The following ZDHHC15 variants were observed in gnomAD, a reference collection of about 807,000 sequenced individuals.
ZDHHC15 encodes palmitoyltransferase ZDHHC15.
ZDHHC15 carries 19 observed loss-of-function variants against 31.7 expected under a neutral mutation model. The observed-to-expected ratio is 0.60, with a 90% confidence interval of 0.42 to 0.88. The LOEUF (loss-of-function observed/expected upper bound fraction) is 0.88, where lower values mean the gene tolerates loss of function less well. Ranked by LOEUF, ZDHHC15 falls within the 40% of genes least tolerant of loss-of-function variation. The pLI is 0.00. For missense variants in ZDHHC15, 209 were observed against 251.2 expected, an observed-to-expected ratio of 0.83 and a Z score of 1.14; for synonymous variants, 103 against 90.0, an observed-to-expected ratio of 1.14 and a Z score of -0.82.
At chrX:75,504,162 A>C (rs1485783752) in intron 2 of ZDHHC15, among the ~76,000 whole-genome samples, 1 of 111,385 alleles carries the variant, frequency 9.0e-6, no homozygotes, top group Non-Finnish European at 1.9e-5. Context: ...TTAGGGAGAC[A>C]CTCTACAACC....
intron 3 of ZDHHC15, among the ~76,000 whole-genome samples, chrX:75,475,054 G>A (rs371974055): frequency 6.0e-4 from 67 of 110,979 alleles, no homozygotes; most frequent in East Asian, 2.5e-3. Context: ...GCGAGACTCC[G>A]TCTCAAAAAA....
At chrX:75,411,405 G>T (rs898774574) in intron 10 of ZDHHC15, among the ~76,000 whole-genome samples, 1 of 111,544 alleles carries the variant, frequency 9.0e-6, no homozygotes, top group Admixed American at 9.5e-5. Context: ...GTAGAGATGG[G>T]GTTTCACCCT....
In ZDHHC15 at chrX:75,518,359, C is replaced by A. The variant is rs552044276; in HGVS notation, c.136+4530G>T. On this transcript the variant is annotated intron_variant, in intron 1 of 11. Transcript: ENST00000373367. ...TTTCCCAAAGAAGATATATGGATGG[C>A]AAACAAGTACATAAAAAGATACTCA... 3.7e-3 allele frequency among the ~76,000 whole-genome samples: 415 copies of A among 110,798 alleles called. 2 individuals carry two copies. The highest frequency in any genetic ancestry group is 0.035 in the South Asian group (92 of 2,622).
chrX:75,507,029 C>T (rs988824798), intron 1 of ZDHHC15, among the ~76,000 whole-genome samples: 8 of 110,833 alleles, frequency 7.2e-5, no homozygotes, highest in African/African-American at 2.3e-4. Flanking sequence ...GAGTGGGAGC[C>T]GGTGAATTCT....
At chrX:75,377,149 A>C (rs2083068683) in intron 11 of ZDHHC15, among the ~76,000 whole-genome samples, 1 of 111,147 alleles carries the variant, frequency 9.0e-6, no homozygotes, top group African/African-American at 3.3e-5. Flanking sequence ...TTCATATCTT[A>C]ATAAGTTTTA....
At chrX:75,383,092 C>G (rs1379336252) in intron 10 of ZDHHC15, among the ~76,000 whole-genome samples, 1 of 111,535 alleles carries the variant, frequency 9.0e-6, no homozygotes, top group East Asian at 2.8e-4. Flanking sequence ...AGGAGAGATA[C>G]TGGGTGGTAT....
At chrX:75,496,326 C>T (rs1328925990) in intron 2 of ZDHHC15, among the ~76,000 whole-genome samples, 1 of 111,222 alleles carries the variant, frequency 9.0e-6, no homozygotes, top group Non-Finnish European at 1.9e-5. Context: ...TATATATGCA[C>T]CTAACACTTG....
chrX:75,407,720 G>A (rs1231207172), intron 10 of ZDHHC15, among the ~76,000 whole-genome samples: 1 of 113,255 alleles, frequency 8.8e-6, no homozygotes, highest in Non-Finnish European at 1.9e-5. Flanking sequence ...GTGCCCAACA[G>A]CTCATTGAGA....
chrX:75,501,277 C>A (rs1450102321), intron 2 of ZDHHC15, among the ~76,000 whole-genome samples: 1 of 111,416 alleles, frequency 9.0e-6, no homozygotes, highest in East Asian at 2.8e-4. Flanking sequence ...CCACAAAAGA[C>A]ATGATCTCAT....
At chrX:75,399,196 C>A (rs1430576595) in intron 10 of ZDHHC15, among the ~76,000 whole-genome samples, 1 of 111,018 alleles carries the variant, frequency 9.0e-6, no homozygotes. Context: ...TCCTCCAGGC[C>A]TGGCCCTCCA....
chrX:75,513,219 T>C (rs1349199717), intron 1 of ZDHHC15, among the ~76,000 whole-genome samples: 1 of 111,703 alleles, frequency 9.0e-6, no homozygotes, highest in African/African-American at 3.3e-5. Context: ...ATTCAGGACA[T>C]AGGCGTGGGC....
intron 2 of ZDHHC15, among the ~76,000 whole-genome samples, chrX:75,499,422 AATC>A (rs770955183): frequency 3.3e-4 from 37 of 111,770 alleles, no homozygotes; most frequent in Non-Finnish European, 6.6e-4. Context: ...AACTCAAACA[AATC>A]ATCAAGAAAA....
Position 75,421,239 on chromosome X carries a change from T to G in ZDHHC15, c.863+625A>C, listed in dbSNP as rs2083624161. ...TTTTTGGTATATTTCTCTTCTGCTG[T>G]TTTTCTTCTATATATACTTATGTTT... is the stretch of plus-strand genomic sequence containing the variant. On this transcript the variant is annotated intron_variant, in intron 9 of 11. Coordinates refer to ENST00000373367, the MANE Select transcript of ZDHHC15 (RefSeq NM_144969.3). Among the ~76,000 whole-genome samples, 3 of 98,489 alleles carry G rather than the reference T, an allele frequency of 3.0e-5. No individual in the cohort carries two copies. The South Asian group carries it at 1.4e-3, about 48-fold the overall frequency. 85.5% of individuals were successfully genotyped at this position (98,489 alleles called of 115,157 possible). A position where few individuals can be genotyped will look rare whatever the true frequency, so the allele number is the denominator to read the frequency against.
At position 75,370,671 on chromosome X, in the gene ZDHHC15, A is replaced by G. The variant is rs1039449267; in HGVS notation, c.*2307T>C. The G allele has an allele frequency of 4.9e-4, 54 of 109,600 alleles. No individual in the cohort carries two copies. Among genetic ancestry groups the G allele is most frequent in the African/African-American group, 1.8e-3 (54 of 29,849 alleles). The allele number at this position is 109,600 out of a possible 1,213,427, so 9.0% of individuals were successfully genotyped here. ...CTCAGCCTCCTGAGTAGCTGGGATT[A>G]CAGTCATGCACCAACACTCCTGGCT... On this transcript the variant is annotated 3_prime_UTR_variant, in exon 12 of 12. Coordinates refer to ENST00000373367, the MANE Select transcript of ZDHHC15 (RefSeq NM_144969.3).
chrX:75,394,720 T>A (rs2083282034), intron 10 of ZDHHC15, among the ~76,000 whole-genome samples: 1 of 111,870 alleles, frequency 8.9e-6, no homozygotes, highest in Non-Finnish European at 1.9e-5. Context: ...CCCAGAGGTA[T>A]AAAGCAAATA....
chrX:75,441,378 C>T (rs1018916014), intron 4 of ZDHHC15, among the ~76,000 whole-genome samples: 1 of 111,542 alleles, frequency 9.0e-6, no homozygotes, highest in Middle Eastern at 4.6e-3. Context: ...GCTTCCTCTA[C>T]TTTTATATTT....
At chrX:75,420,461 AC>A (rs2083612119) in intron 9 of ZDHHC15, among the ~76,000 whole-genome samples, 1 of 111,505 alleles carries the variant, frequency 9.0e-6, no homozygotes, top group Non-Finnish European at 1.9e-5. Context: ...CTGGGTATAT[AC>A]CCATCGGATT....
intron 10 of ZDHHC15, among the ~76,000 whole-genome samples, chrX:75,399,439 C>G (rs1215723129): frequency 1.8e-5 from 2 of 112,160 alleles, no homozygotes; most frequent in African/African-American, 3.2e-5. Flanking sequence ...GTCCTAAACA[C>G]CACCCATGGC....
Position 75,429,119 on chromosome X carries a change from T to C in ZDHHC15, c.562A>G (p.Ile188Val), listed in dbSNP as rs2083747531. 2 of 1,208,266 alleles carry C rather than the reference T, an allele frequency of 1.7e-6. No homozygotes were observed. Among genetic ancestry groups the C allele is most frequent in the South Asian group, 1.8e-5 (1 of 56,162 alleles). Residue 188 changes from isoleucine to valine, a missense_variant, in exon 7 of 12, where the codon ATT becomes GTT. By Grantham distance (29) the Ile-to-Val change is conservative. Transcript: ENST00000373367. ...AAATAGCTGAAGACTGTCGTAGCAATGTACAGGCAGTAGAGAACAGAGTAA... is the reference window on the plus strand; with the variant it reads ...AAATAGCTGAAGACTGTCGTAGCAACGTACAGGCAGTAGAGAACAGAGTAA... ...LAYSVLYCLYIATTVFSYFIK... is the reference protein window; with the variant it reads ...LAYSVLYCLYVATTVFSYFIK...
Sources: allele counts gnomAD v4.1 joint callset (sites outside exome capture counted in the v4.1 genomes callset), GRCh38; gene constraint gnomAD v4.1.1; transcripts MANE v1.5; gene names NCBI Gene and HGNC (gene_info 2026-07-23, HGNC 2026-07-21).